Variants in WDR72 observed in about 807,000 individuals in gnomAD.
The protein encoded by WDR72 is WD repeat domain 72.
Under a neutral mutation model 124.2 loss-of-function variants are expected in WDR72, and 120 were observed. The ratio of observed to expected loss-of-function variants is 0.97; its 90% CI spans 0.83 to 1.12. The LOEUF (loss-of-function observed/expected upper bound fraction) is 1.12. Ranked by LOEUF, WDR72 falls within the 50% of genes most tolerant of loss-of-function variation. The pLI is 0.00. For missense variants in WDR72, 1,387 were observed against 1,278.8 expected (o/e 1.08, Z -1.29); for synonymous variants, 452 against 441.7 (o/e 1.02, Z -0.29).
At chr15:53,711,102 T>G (rs996281683) in intron 8 of WDR72, 149 bp from the exon 9 acceptor site, 1 of 903,788 alleles carries the variant, frequency 1.1e-6, no homozygotes, top group African/African-American at 1.7e-5. Context: ...CAAGTGACTT[T>G]TTGAAAACCC....
In WDR72 at chr15:53,671,146, C is replaced by A. The variant is rs572150436; in HGVS notation, c.1766-5378G>T. ...GCTCATGATTTTTTTTTAACTGGCG[C>A]TGCACTTGGGATTAAACCTAAACTC... On this transcript the variant is annotated intron_variant, in intron 13 of 19. Transcript: ENST00000360509. Among the ~76,000 whole-genome samples the A allele has an allele frequency of 1.1e-4, 16 of 152,234 alleles. No homozygotes were observed. The South Asian group carries it at 3.1e-3, about 30-fold the overall frequency.
intron 1 of WDR72, among the ~76,000 whole-genome samples, chr15:53,744,519 A>C (rs914539547): frequency 3.0e-4 from 45 of 152,198 alleles, no homozygotes; most frequent in Admixed American, 6.5e-4. Context: ...TATATTTTGA[A>C]ATAGAAATAG....
intron 1 of WDR72, among the ~76,000 whole-genome samples, chr15:53,743,470 A>G (rs1316589034): frequency 6.6e-6 from 1 of 152,166 alleles, no homozygotes; most frequent in Admixed American, 6.5e-5. Context: ...TAATAAAGTA[A>G]AACTGTTCAT....
Position 53,584,460 on chromosome 15 carries a change from T to C in WDR72, c.3148+12619A>G, listed in dbSNP as rs114575298. 9.5e-3 allele frequency among the ~76,000 whole-genome samples: 1,440 copies of C among 152,028 alleles called. 34 individuals are homozygous for C. The highest frequency in any genetic ancestry group is 0.033 in the African/African-American group (1,388 of 41,482). On this transcript the variant is annotated intron_variant, in intron 18 of 19. Coordinates refer to ENST00000360509, the MANE Select transcript of WDR72 (RefSeq NM_182758.4). ...CTCCATGTAGGACATGGAGCACTAA[T>C]GGTTCATCTAAACAAGCTACATTTA... is the stretch of plus-strand genomic sequence containing the variant.
chr15:53,557,471 T>G lies in WDR72; in HGVS notation c.3149-34149A>C, dbSNP rs565688417. Among the ~76,000 whole-genome samples the G allele has an allele frequency of 2.0e-5, 3 of 152,166 alleles. No homozygotes were observed. In the South Asian group the frequency reaches 6.2e-4, roughly 32 times the overall value. ...TCTCAAACACCACATTCAAAAAGAT[T>G]ATAGAGTGATTGCTTGGAAGGCGAT... On this transcript the variant is annotated intron_variant, in intron 18 of 19. Coordinates refer to ENST00000360509, the MANE Select transcript of WDR72 (RefSeq NM_182758.4).
chr15:53,739,368 C>G (rs12911076), intron 1 of WDR72, among the ~76,000 whole-genome samples: 1 of 152,130 alleles, frequency 6.6e-6, no homozygotes, highest in African/African-American at 2.4e-5. Flanking sequence ...CTGAGGGCTC[C>G]GCAGTCCTCT....
intron 1 of WDR72, among the ~76,000 whole-genome samples, chr15:53,757,869 C>T (rs1019521617): frequency 6.6e-6 from 1 of 152,020 alleles, no homozygotes; most frequent in African/African-American, 2.4e-5. Context: ...TCTTCCATTC[C>T]AGTAGGCATG....
At chr15:53,700,884 C>T (rs151210259) in intron 12 of WDR72, among the ~76,000 whole-genome samples, 7 of 152,276 alleles carry the variant, frequency 4.6e-5, no homozygotes, top group South Asian at 2.1e-4. Flanking sequence ...GCCCATCCCA[C>T]GGCTTCTAGA....
intron 18 of WDR72, among the ~76,000 whole-genome samples, chr15:53,530,095 C>T (rs974770756): frequency 6.6e-6 from 1 of 151,574 alleles, no homozygotes; most frequent in Non-Finnish European, 1.5e-5. Context: ...GATGAGCAGA[C>T]ACTTAAAGGA....
intron 2 of WDR72, among the ~76,000 whole-genome samples, chr15:53,730,079 C>T (rs1253184766): frequency 6.6e-6 from 1 of 152,122 alleles, no homozygotes; most frequent in East Asian, 1.9e-4. Context: ...ATGTGTATAG[C>T]AGCATCATTC....
chr15:53,607,304 A>C (rs1315614567), intron 17 of WDR72, among the ~76,000 whole-genome samples: 1 of 152,114 alleles, frequency 6.6e-6, no homozygotes, highest in African/African-American at 2.4e-5. Context: ...CCAAAACAGC[A>C]CAGTACTGGC....
intron 18 of WDR72, among the ~76,000 whole-genome samples, chr15:53,576,522 TG>T (rs1359918705): frequency 6.6e-6 from 1 of 152,156 alleles, no homozygotes; most frequent in African/African-American, 2.4e-5. Flanking sequence ...TTTGTATGCA[TG>T]GTAACTTGTA....
At chr15:53,709,860 C>G (rs1223597682) in intron 9 of WDR72, among the ~76,000 whole-genome samples, 1 of 152,188 alleles carries the variant, frequency 6.6e-6, no homozygotes, top group Non-Finnish European at 1.5e-5. Context: ...TTTCCAACAG[C>G]TATGCTGCCT....
intron 1 of WDR72, among the ~76,000 whole-genome samples, chr15:53,752,296 C>A (rs1166691795): frequency 6.6e-6 from 1 of 152,136 alleles, no homozygotes; most frequent in African/African-American, 2.4e-5. Context: ...GGAGTACCTC[C>A]AAGTATGACC....
chr15:53,677,026 T>G (rs1465901621), intron 13 of WDR72, among the ~76,000 whole-genome samples: 2 of 151,106 alleles, frequency 1.3e-5, no homozygotes, highest in Non-Finnish European at 2.9e-5. Context: ...GTCCACGCCA[T>G]TCTCCTGCCT....
rs1891317213 is a variant in WDR72 at position 53,514,184 on chromosome 15, A to G, written c.*3515T>C. On this transcript the variant is annotated 3_prime_UTR_variant, in exon 20 of 20. Transcript: ENST00000360509. ...TTATGCAAATGTTTACAAAGCAATG[A>G]CTTTCTTAGGAAATTAAACACAACT... is the stretch of plus-strand genomic sequence containing the variant. 1 of 152,208 alleles carries G rather than the reference A, an allele frequency of 6.6e-6. No homozygotes were observed. The highest frequency in any genetic ancestry group is 1.5e-5 in the Non-Finnish European group (1 of 68,024). The allele number at this position is 152,208 out of a possible 1,614,324, so 9.4% of individuals were successfully genotyped here. A position where few individuals can be genotyped will look rare whatever the true frequency, so the allele number is the denominator to read the frequency against.
chr15:53,552,716 G>C (rs1401008418), intron 18 of WDR72, among the ~76,000 whole-genome samples: 2 of 152,066 alleles, frequency 1.3e-5, no homozygotes, highest in African/African-American at 4.8e-5. Context: ...TCATATAGAA[G>C]AATAGAAGAC....
rs538540132 is a variant in WDR72, at chr15:53,516,478, T to C, written c.*1221A>G. On this transcript the variant is annotated 3_prime_UTR_variant, in exon 20 of 20. Coordinates refer to ENST00000360509, the MANE Select transcript of WDR72 (RefSeq NM_182758.4). ...AAGTGACTTGAACTTCTCTGTTAGA[T>C]ACATACATAGATATAGCTATATATC... is the stretch of plus-strand genomic sequence containing the variant. 12 of 152,198 alleles carry C rather than the reference T, an allele frequency of 7.9e-5. No homozygotes were observed. Among genetic ancestry groups the C allele is most frequent in the Admixed American group, 2.6e-4 (4 of 15,272 alleles). The allele number at this position is 152,198 out of a possible 1,614,324, so 9.4% of individuals were successfully genotyped here. A position where few individuals can be genotyped will look rare whatever the true frequency, so the allele number is the denominator to read the frequency against.
intron 18 of WDR72, among the ~76,000 whole-genome samples, chr15:53,591,647 A>G (rs1198105840): frequency 6.6e-6 from 1 of 151,802 alleles, no homozygotes; most frequent in African/African-American, 2.4e-5. Flanking sequence ...AAAATGAGGA[A>G]ATTAACACAC....
Sources: allele counts gnomAD v4.1 joint callset (sites outside exome capture counted in the v4.1 genomes callset), GRCh38; gene constraint gnomAD v4.1.1; transcripts MANE v1.5; gene names NCBI Gene and HGNC (gene_info 2026-07-23, HGNC 2026-07-21).